Variants in COL24A1 observed in about 807,000 individuals in gnomAD.
COL24A1 encodes the protein collagen type XXIV alpha 1 chain.
COL24A1 carries 224 observed loss-of-function variants against 253.9 expected under a neutral mutation model. The observed-to-expected ratio is 0.88, with a 90% confidence interval of 0.79 to 0.99. The LOEUF (loss-of-function observed/expected upper bound fraction) is 0.99. COL24A1 is among the 50% of genes least tolerant of loss of function. The probability of loss-of-function intolerance (pLI) is 0.00; values close to 1 mark genes in which losing one functional copy is unlikely to be tolerated. For missense variants in COL24A1, 2,131 were observed against 2,068.5 expected, an observed-to-expected ratio of 1.03 and a Z score of -0.59; for synonymous variants, 685 against 673.7, an observed-to-expected ratio of 1.02 and a Z score of -0.26.
chr1:85,831,011 GT>G (rs1675202068), intron 43 of COL24A1, among the ~76,000 whole-genome samples: 1 of 152,096 alleles, frequency 6.6e-6, no homozygotes, highest in South Asian at 2.1e-4. Context: ...TGAGGCAAAT[GT>G]TTACGGTTTA....
chr1:85,759,391 G>A (rs972234343), intron 55 of COL24A1, among the ~76,000 whole-genome samples: 4 of 152,278 alleles, frequency 2.6e-5, no homozygotes, highest in Admixed American at 1.3e-4. Context: ...CTATCTTGTA[G>A]TGTGATGAGG....
chr1:86,124,842 T>TA lies in COL24A1; in HGVS notation c.1491+2dup, dbSNP rs1295322094. ...AGGAGATATTAAAAAAAAAAAAACTTACGGGAGGTCCAGTGTCTCCTTTTG... is the reference window on the plus strand; with the variant it reads ...AGGAGATATTAAAAAAAAAAAAACTTAACGGGAGGTCCAGTGTCTCCTTTTG... On this transcript the variant is annotated splice_region_variant and intron_variant, in intron 3 of 59. Coordinates refer to ENST00000370571, the MANE Select transcript of COL24A1 (RefSeq NM_152890.7). The TA allele has an allele frequency of 1.3e-6, 2 of 1,525,208 alleles. No individual in the cohort carries two copies. Among genetic ancestry groups the TA allele is most frequent in the Non-Finnish European group, 1.7e-6 (2 of 1,147,076 alleles). 94.5% of individuals were successfully genotyped at this position (1,525,208 alleles called of 1,614,324 possible). A position where few individuals can be genotyped will look rare whatever the true frequency, so the allele number is the denominator to read the frequency against.
chr1:85,851,127 T>G (rs1273681511), intron 37 of COL24A1, among the ~76,000 whole-genome samples: 1 of 151,850 alleles, frequency 6.6e-6, no homozygotes, highest in Non-Finnish European at 1.5e-5. Context: ...TGAATTTTAT[T>G]GTTCCTACAC....
intron 14 of COL24A1, among the ~76,000 whole-genome samples, chr1:86,028,054 T>A (rs555498244): frequency 1.2e-4 from 19 of 152,258 alleles, no homozygotes; most frequent in African/African-American, 4.6e-4. Flanking sequence ...TTGGCCAATA[T>A]CTCCTATTTG....
chr1:85,827,238 G>A (rs1217322394), intron 43 of COL24A1, among the ~76,000 whole-genome samples: 1 of 151,830 alleles, frequency 6.6e-6, no homozygotes, highest in Non-Finnish European at 1.5e-5. Context: ...TTATTGAATT[G>A]CGTATATTGA....
At chr1:86,133,657 G>A (rs963911228) in intron 2 of COL24A1, among the ~76,000 whole-genome samples, 3 of 152,180 alleles carry the variant, frequency 2.0e-5, no homozygotes, top group Non-Finnish European at 2.9e-5. Context: ...TACGTTTATT[G>A]ATTTGTGTAT....
chr1:86,130,051 G>C (rs1017145562), intron 2 of COL24A1, among the ~76,000 whole-genome samples: 3 of 151,814 alleles, frequency 2.0e-5, no homozygotes, highest in Non-Finnish European at 4.4e-5. Context: ...TTTATGCATA[G>C]ATAATCATGC....
At chr1:86,121,847 A>C (rs1470581630) in intron 3 of COL24A1, among the ~76,000 whole-genome samples, 2 of 152,142 alleles carry the variant, frequency 1.3e-5, no homozygotes, top group African/African-American at 4.8e-5. Context: ...TTCAGATCAA[A>C]ATAATCTTCT....
At chr1:85,776,728 T>C (rs1393559106) in intron 52 of COL24A1, among the ~76,000 whole-genome samples, 1 of 152,022 alleles carries the variant, frequency 6.6e-6, no homozygotes, top group Non-Finnish European at 1.5e-5. Context: ...CTAAAATTTT[T>C]GTTAAAGACT....
intron 24 of COL24A1, among the ~76,000 whole-genome samples, chr1:85,916,035 G>A (rs1416343535): frequency 6.6e-6 from 1 of 152,056 alleles, no homozygotes; most frequent in African/African-American, 2.4e-5. Context: ...TTAGCCTATA[G>A]CATTTACTAA....
chr1:86,133,545 A>T (rs1052850024), intron 2 of COL24A1, among the ~76,000 whole-genome samples: 3 of 152,300 alleles, frequency 2.0e-5, no homozygotes, highest in Middle Eastern at 3.4e-3. Flanking sequence ...ATTTATTGAG[A>T]GTTTTTAGCA....
At chr1:86,093,604 C>G (rs1703672527) in intron 5 of COL24A1, among the ~76,000 whole-genome samples, 1 of 151,798 alleles carries the variant, frequency 6.6e-6, no homozygotes, top group African/African-American at 2.4e-5. Flanking sequence ...ATGAAGACAC[C>G]AAAGGCAATC....
chr1:85,864,019 A>C (rs1679481705), intron 37 of COL24A1, among the ~76,000 whole-genome samples: 1 of 152,216 alleles, frequency 6.6e-6, no homozygotes, highest in Non-Finnish European at 1.5e-5. Context: ...TAGAACTAGA[A>C]ATACCATTTG....
intron 53 of COL24A1, among the ~76,000 whole-genome samples, chr1:85,773,333 G>C (rs1668174943): frequency 6.6e-6 from 1 of 152,158 alleles, no homozygotes; most frequent in African/African-American, 2.4e-5. Flanking sequence ...TTCTTGCCCA[G>C]GATTGTCTTG....
intron 52 of COL24A1, among the ~76,000 whole-genome samples, chr1:85,778,294 GGA>G (rs1484515798): frequency 2.6e-5 from 4 of 151,892 alleles, no homozygotes; most frequent in African/African-American, 9.7e-5. Context: ...TGTAGAGATG[GGA>G]TCTCACTATA....
chr1:85,937,090 G>A (rs1037752015), intron 24 of COL24A1, among the ~76,000 whole-genome samples: 7 of 147,428 alleles, frequency 4.7e-5, no homozygotes, highest in Non-Finnish European at 1.0e-4. Context: ...TGACACCTTT[G>A]CTCTCTGGGG....
chr1:85,953,805 T>C (rs1485285749), intron 24 of COL24A1, among the ~76,000 whole-genome samples: 2 of 152,208 alleles, frequency 1.3e-5, no homozygotes, highest in African/African-American at 2.4e-5. Context: ...TATACAGAAT[T>C]ACATTGAATG....
At chr1:86,035,856 C>A (rs946628660) in intron 12 of COL24A1, among the ~76,000 whole-genome samples, 10 of 152,094 alleles carry the variant, frequency 6.6e-5, no homozygotes, top group Admixed American at 5.9e-4. Flanking sequence ...CAGTCCCTTG[C>A]ATCCAGTGGG....
At chr1:86,034,866 C>A (rs1054135765) in intron 12 of COL24A1, among the ~76,000 whole-genome samples, 1 of 151,914 alleles carries the variant, frequency 6.6e-6, no homozygotes, top group South Asian at 2.1e-4. Flanking sequence ...TTTTAAGAGG[C>A]TATTTTATAA....
Sources: gnomAD v4.1 joint callset for allele counts (sites outside exome capture counted in the v4.1 genomes callset) on GRCh38, gnomAD v4.1.1 for gene constraint, MANE v1.5 for transcripts, NCBI Gene and HGNC (gene_info 2026-07-23, HGNC 2026-07-21) for gene names.